Variants in BMP6 observed in about 807,000 individuals in gnomAD.
BMP6 encodes VG-1-R.
Under a neutral mutation model 54.1 loss-of-function variants are expected in BMP6, and 17 were observed. That is an observed-to-expected ratio of 0.31 (90% CI 0.22 to 0.47). The LOEUF is 0.47. Ranked by LOEUF, BMP6 falls within the 20% of genes least tolerant of loss-of-function variation. The pLI is 1.00. For synonymous variants in BMP6, 328 were observed against 291.2 expected, an observed-to-expected ratio of 1.13 and a Z score of -1.28; for missense variants, 720 against 690.4, an observed-to-expected ratio of 1.04 and a Z score of -0.48.
intron 1 of BMP6, among the ~76,000 whole-genome samples, chr6:7,799,108 C>T (rs1049977898): frequency 1.3e-5 from 2 of 152,158 alleles, no homozygotes; most frequent in African/African-American, 2.4e-5. Flanking sequence ...TTGGCTACTG[C>T]GAATTCCAAG....
At chr6:7,737,575 A>G (rs270406) in intron 1 of BMP6, among the ~76,000 whole-genome samples, 91,189 of 151,864 alleles carry the variant, frequency 0.6, 27,541 homozygotes, top group South Asian at 0.7. Flanking sequence ...GATCCCACGT[A>G]GCTGCAGGGG....
chr6:7,863,223 C>T (rs1027180327), intron 4 of BMP6, among the ~76,000 whole-genome samples: 1 of 152,202 alleles, frequency 6.6e-6, no homozygotes, highest in Non-Finnish European at 1.5e-5. Context: ...TGGTCTCGAT[C>T]TCCTGACCTC....
intron 2 of BMP6, 136 bp downstream of exon 2, chr6:7,845,468 G>A: frequency 5.8e-6 from 4 of 687,412 alleles, no homozygotes; most frequent in Non-Finnish European, 6.6e-6. Flanking sequence ...TGAGGTGGGT[G>A]TTGTAAATGG....
chr6:7,822,146 G>A (rs1286362414), intron 1 of BMP6, among the ~76,000 whole-genome samples: 1 of 151,960 alleles, frequency 6.6e-6, no homozygotes, highest in East Asian at 1.9e-4. Flanking sequence ...TCAGCCTCCC[G>A]AGTAGCTGGG....
At chr6:7,739,249 A>G (rs904571854) in intron 1 of BMP6, among the ~76,000 whole-genome samples, 3 of 152,210 alleles carry the variant, frequency 2.0e-5, no homozygotes, top group African/African-American at 7.2e-5. Context: ...CAGCACAAAG[A>G]TGCTTCCCTG....
rs926011662 is a variant in BMP6, at chr6:7,764,777, G to A, written c.664+37158G>A. On this transcript the variant is annotated intron_variant, in intron 1 of 6. Coordinates refer to ENST00000283147, the MANE Select transcript of BMP6 (RefSeq NM_001718.6). Reference sequence around the variant, plus strand: ...ACTACAGGTATGCGCCCCCATGTCCGGCTGCCCTTCACATTTTTATTACCG... The same window carrying A: ...ACTACAGGTATGCGCCCCCATGTCCAGCTGCCCTTCACATTTTTATTACCG... Among the ~76,000 whole-genome samples the A allele has an allele frequency of 7.2e-5, 11 of 152,174 alleles. No homozygotes were observed. In the South Asian group the frequency reaches 1.5e-3, roughly 20 times the overall value.
chr6:7,751,725 C>T (rs2113129870), intron 1 of BMP6, among the ~76,000 whole-genome samples: 1 of 152,312 alleles, frequency 6.6e-6, no homozygotes, highest in South Asian at 2.1e-4. Context: ...GGGCCAATTA[C>T]AGATGAACTG....
At chr6:7,803,348 G>T (rs1469048671) in intron 1 of BMP6, among the ~76,000 whole-genome samples, 1 of 152,178 alleles carries the variant, frequency 6.6e-6, no homozygotes, top group African/African-American at 2.4e-5. Flanking sequence ...CCACTGAAGG[G>T]TTTGAGCATA....
chr6:7,802,535 C>T (rs6904047), intron 1 of BMP6, among the ~76,000 whole-genome samples: 87,476 of 152,062 alleles, frequency 0.58, 25,502 homozygotes, highest in Admixed American at 0.63. Flanking sequence ...ACAGGCCCAC[C>T]GTTCAGCATG....
intron 2 of BMP6, among the ~76,000 whole-genome samples, chr6:7,849,557 C>A (rs189198796): frequency 6.6e-6 from 1 of 152,242 alleles, no homozygotes; most frequent in East Asian, 1.9e-4. Context: ...CACTCATGAT[C>A]TTTGTTCTGT....
chr6:7,865,501 CTCTT>C (rs934720522), intron 4 of BMP6, among the ~76,000 whole-genome samples: 7 of 152,134 alleles, frequency 4.6e-5, no homozygotes, highest in Non-Finnish European at 1.0e-4. Flanking sequence ...ATATTTTTGG[CTCTT>C]TCTTCCTTAT....
intron 1 of BMP6, among the ~76,000 whole-genome samples, chr6:7,844,252 A>C (rs932084471): frequency 6.6e-6 from 1 of 152,168 alleles, no homozygotes; most frequent in Non-Finnish European, 1.5e-5. Flanking sequence ...AAATGCATTT[A>C]TGCACATACC....
chr6:7,820,178 T>C (rs992541353), intron 1 of BMP6, among the ~76,000 whole-genome samples: 1 of 152,270 alleles, frequency 6.6e-6, no homozygotes, highest in African/African-American at 2.4e-5. Context: ...TATGTGTATA[T>C]ACCTTTTAAA....
rs539509190 is a variant in BMP6, at chr6:7,808,136, G to T, written c.665-37004G>T. ...GGGGTTTCACCGTGTTAGCCAGGAT[G>T]GTCTTGATTTCCTGACCTTGTGATC... is the stretch of plus-strand genomic sequence containing the variant. On this transcript the variant is annotated intron_variant, in intron 1 of 6. Transcript: ENST00000283147. Among the ~76,000 whole-genome samples the T allele has an allele frequency of 3.3e-4, 50 of 152,040 alleles. No individual in the cohort carries two copies. The East Asian group carries it at 8.9e-3, about 27-fold the overall frequency.
chr6:7,819,518 G>C (rs998576093), intron 1 of BMP6, among the ~76,000 whole-genome samples: 1 of 152,002 alleles, frequency 6.6e-6, no homozygotes, highest in Admixed American at 6.6e-5. Flanking sequence ...GGGAGAAGGA[G>C]AAGTAAAAAA....
At chr6:7,752,990 C>T (rs79133514) in intron 1 of BMP6, among the ~76,000 whole-genome samples, 1,564 of 152,084 alleles carry the variant, frequency 0.01, 21 homozygotes, top group African/African-American at 0.036. Flanking sequence ...GCTGCAGAAG[C>T]TGGTAATATT....
chr6:7,871,630 G>A (rs529893374), intron 4 of BMP6, among the ~76,000 whole-genome samples: 1 of 152,200 alleles, frequency 6.6e-6, no homozygotes, highest in East Asian at 1.9e-4. Context: ...CTGCCCTTGA[G>A]GGGGACCAGA....
intron 1 of BMP6, among the ~76,000 whole-genome samples, chr6:7,791,383 T>C (rs577361785): frequency 6.6e-6 from 1 of 152,320 alleles, no homozygotes; most frequent in South Asian, 2.1e-4. Flanking sequence ...ATCTTCTTCC[T>C]GTGGGGAGCA....
intron 1 of BMP6, among the ~76,000 whole-genome samples, chr6:7,821,700 A>T (rs1040492793): frequency 1.3e-5 from 2 of 152,144 alleles, no homozygotes; most frequent in Non-Finnish European, 2.9e-5. Context: ...GGGTATAGTA[A>T]TGGTGACTAC....
Sources: gnomAD v4.1 joint callset for allele counts (sites outside exome capture counted in the v4.1 genomes callset) on GRCh38, gnomAD v4.1.1 for gene constraint, MANE v1.5 for transcripts, NCBI Gene and HGNC (gene_info 2026-07-23, HGNC 2026-07-21) for gene names.